The following SNX30 variants were observed in gnomAD, a reference collection of about 807,000 sequenced individuals.
SNX30 encodes sorting nexin-30.
In SNX30, 24 loss-of-function variants were observed where a neutral mutation model predicts 46.4. The ratio of observed to expected loss-of-function variants is 0.52; its 90% confidence interval spans 0.37 to 0.73. The LOEUF (loss-of-function observed/expected upper bound fraction) is 0.73. Ranked by LOEUF, SNX30 falls within the 30% of genes least tolerant of loss-of-function variation. The probability of loss-of-function intolerance (pLI) is 0.00; values close to 1 mark genes in which losing one functional copy is unlikely to be tolerated. For synonymous variants in SNX30, 189 were observed against 211.5 expected, an observed-to-expected ratio of 0.89 and a Z score of 0.92; for missense variants, 533 against 555.7, an observed-to-expected ratio of 0.96 and a Z score of 0.41.
chr9:112,752,187 TA>T (rs1340496492), intron 1 of SNX30, among the ~76,000 whole-genome samples: 1 of 152,156 alleles, frequency 6.6e-6, no homozygotes, highest in African/African-American at 2.4e-5. Context: ...TGAGAAAATA[TA>T]ACCTGCCCTC....
rs1316353252 is a variant in SNX30, at chr9:112,750,765, CGTGCTGCCAGCGGACCCGCGGCG to C, written c.-235_-213del. 2.6e-5 allele frequency: 4 copies of C among 156,630 alleles called. No homozygotes were observed. The highest frequency in any genetic ancestry group is 5.3e-5 in the Non-Finnish European group (4 of 74,776). 9.7% of individuals were successfully genotyped at this position (156,630 alleles called of 1,614,324 possible). ...GGCTGTGTGGGCTGGGCGCCGCGGC[CGTGCTGCCAGCGGACCCGCGGCG>C]GGCTCGGGCGCGGAGCGGGGGCGCG... On this transcript the variant is annotated 5_prime_UTR_variant, in exon 1 of 9. Transcript: ENST00000374232.
At chr9:112,794,469 C>G (rs1311272465) in intron 1 of SNX30, among the ~76,000 whole-genome samples, 5 of 152,118 alleles carry the variant, frequency 3.3e-5, no homozygotes, top group Admixed American at 3.3e-4. Flanking sequence ...CTTTAAGCAT[C>G]TGCTGTGTAC....
At chr9:112,839,302 AG>A (rs1407424361) in intron 6 of SNX30, among the ~76,000 whole-genome samples, 1 of 152,252 alleles carries the variant, frequency 6.6e-6, no homozygotes, top group African/African-American at 2.4e-5. Flanking sequence ...ATAATTGCCC[AG>A]CAAAAGGATT....
intron 6 of SNX30, among the ~76,000 whole-genome samples, chr9:112,848,154 T>A (rs574739847): frequency 4.7e-4 from 71 of 151,954 alleles, no homozygotes; most frequent in Non-Finnish European, 7.8e-4. Context: ...GGGATGCAGA[T>A]CCCTATAAAG....
intron 1 of SNX30, among the ~76,000 whole-genome samples, chr9:112,793,601 T>C (rs1023126488): frequency 6.6e-6 from 1 of 152,156 alleles, no homozygotes; most frequent in Non-Finnish European, 1.5e-5. Context: ...CATTTTCTAC[T>C]TATTAAGTAA....
intron 1 of SNX30, among the ~76,000 whole-genome samples, chr9:112,779,817 T>G (rs1839817222): frequency 6.6e-6 from 1 of 152,192 alleles, no homozygotes; most frequent in African/African-American, 2.4e-5. Flanking sequence ...TCCACTAGTT[T>G]TCTCTCATTC....
intron 2 of SNX30, among the ~76,000 whole-genome samples, chr9:112,805,647 TTAG>T (rs1840214121): frequency 6.6e-6 from 1 of 152,148 alleles, no homozygotes; most frequent in Non-Finnish European, 1.5e-5. Context: ...TTTTGTATTT[TTAG>T]TAGAGACAGG....
intron 7 of SNX30, among the ~76,000 whole-genome samples, chr9:112,861,937 T>TA (rs34588988): frequency 0.28 from 42,604 of 152,110 alleles, 6,850 homozygotes; most frequent in East Asian, 0.47. Context: ...CGACAACACT[T>TA]ACGATATCTT....
chr9:112,865,661 A>ATATATATATATGTGTGTGTGTGTGTG, intron 8 of SNX30, among the ~76,000 whole-genome samples: 1 of 105,702 alleles, frequency 9.5e-6, no homozygotes, highest in African/African-American at 3.8e-5. Flanking sequence ...ATATATATAT[A>ATATATATATATGTGTGTGTGTGTGTG]TGTATGTATG....
intron 8 of SNX30, among the ~76,000 whole-genome samples, chr9:112,866,740 C>T (rs901713458): frequency 1.3e-5 from 2 of 151,338 alleles, no homozygotes; most frequent in Non-Finnish European, 3.0e-5. Flanking sequence ...ACTCCTCCCA[C>T]ATCCTCAGAA....
intron 1 of SNX30, among the ~76,000 whole-genome samples, chr9:112,753,410 G>A (rs1370071901): frequency 1.3e-5 from 2 of 152,076 alleles, no homozygotes; most frequent in Non-Finnish European, 2.9e-5. Context: ...TTTGAGCAGA[G>A]ACTTACTCTG....
chr9:112,827,076 C>T (rs1013550485), intron 3 of SNX30, among the ~76,000 whole-genome samples: 1 of 152,144 alleles, frequency 6.6e-6, no homozygotes, highest in Non-Finnish European at 1.5e-5. Context: ...TTTGGAACTC[C>T]TGCTCTGTCA....
chr9:112,859,053 A>C (rs112808442), intron 7 of SNX30, among the ~76,000 whole-genome samples: 2 of 152,212 alleles, frequency 1.3e-5, no homozygotes, highest in Admixed American at 1.3e-4. Flanking sequence ...TTCATCTTGC[A>C]GAACTGAAAC....
intron 1 of SNX30, among the ~76,000 whole-genome samples, chr9:112,755,538 G>C (rs558064361): frequency 6.6e-6 from 1 of 152,094 alleles, no homozygotes; most frequent in African/African-American, 2.4e-5. Flanking sequence ...TGAGCAGGAG[G>C]GGGGCATAGT....
chr9:112,875,234 A>G (rs1182685447), downstream of SNX30: 1 of 152,218 alleles, frequency 6.6e-6, no homozygotes, highest in Non-Finnish European at 1.5e-5. Context: ...GGGGAGATGA[A>G]GAAACTTCCT....
intron 1 of SNX30, among the ~76,000 whole-genome samples, chr9:112,756,508 G>A (rs562912957): frequency 6.9e-5 from 9 of 130,032 alleles, no homozygotes; most frequent in South Asian, 2.5e-4. Flanking sequence ...GCAATGGCAC[G>A]ATCTCAGCTC....
At chr9:112,843,707 C>T (rs1230507871) in intron 6 of SNX30, among the ~76,000 whole-genome samples, 2 of 149,548 alleles carry the variant, frequency 1.3e-5, no homozygotes, top group African/African-American at 2.5e-5. Flanking sequence ...CCTCCACTTC[C>T]CGCTTCAAGC....
intron 6 of SNX30, among the ~76,000 whole-genome samples, chr9:112,844,852 C>G (rs1840915925): frequency 6.6e-6 from 1 of 152,204 alleles, no homozygotes; most frequent in South Asian, 2.1e-4. Context: ...CCCTTCCCCA[C>G]AGGGCCACAA....
At chr9:112,784,861 A>G (rs1001143276) in intron 1 of SNX30, among the ~76,000 whole-genome samples, 1 of 152,152 alleles carries the variant, frequency 6.6e-6, no homozygotes, top group Non-Finnish European at 1.5e-5. Flanking sequence ...GCTCTAGTAC[A>G]CAGGTCACCT....
Sources: allele counts gnomAD v4.1 joint callset (sites outside exome capture counted in the v4.1 genomes callset), GRCh38; gene constraint gnomAD v4.1.1; transcripts MANE v1.5; gene names NCBI Gene and HGNC (gene_info 2026-07-23, HGNC 2026-07-21).